Variants in MLLT3 observed in about 807,000 individuals in gnomAD.
The protein encoded by MLLT3 is protein AF-9.
Under a neutral mutation model 53.2 loss-of-function variants are expected in MLLT3, and 4 were observed. The observed-to-expected ratio is 0.08, with a 90% CI of 0.04 to 0.17. The LOEUF (loss-of-function observed/expected upper bound fraction) is 0.17, where lower values mean the gene tolerates loss of function less well. Among genes scored for constraint, MLLT3 ranks in the 10% least tolerant of loss-of-function variants. The pLI is 1.00. For missense variants in MLLT3, 569 were observed against 684.0 expected (o/e 0.83, Z 1.87); for synonymous variants, 283 against 230.6 (o/e 1.23, Z -2.06).
intron 8 of MLLT3, among the ~76,000 whole-genome samples, chr9:20,357,346 C>G (rs1247803021): frequency 1.3e-5 from 2 of 152,134 alleles, no homozygotes; most frequent in Non-Finnish European, 2.9e-5. Flanking sequence ...AAAACCATCT[C>G]TGGTTGAAAT....
intron 2 of MLLT3, among the ~76,000 whole-genome samples, chr9:20,563,167 C>A (rs973699597): frequency 3.3e-5 from 5 of 152,144 alleles, no homozygotes; most frequent in Non-Finnish European, 5.9e-5. Context: ...AAGCTCTGAT[C>A]AACTCCAGAC....
intron 5 of MLLT3, among the ~76,000 whole-genome samples, chr9:20,384,666 C>T (rs1821988188): frequency 6.6e-6 from 1 of 152,044 alleles, no homozygotes; most frequent in East Asian, 1.9e-4. Context: ...AAGATTTCTT[C>T]CCATGTGATG....
At position 20,342,457 on chromosome 9, in the gene MLLT3, AT is replaced by A; in HGVS notation, c.*3985del. 1 of 222,364 alleles carries A rather than the reference AT, an allele frequency of 4.5e-6. No homozygotes were observed. 13.8% of individuals were successfully genotyped at this position (222,364 alleles called of 1,614,324 possible). On this transcript the variant is annotated 3_prime_UTR_variant, in exon 11 of 11. Coordinates refer to ENST00000380338, the MANE Select transcript of MLLT3 (RefSeq NM_004529.4). Reference sequence around the variant, plus strand: ...TCAATAATACATTTTCACTTAATTTATTTTTGCACTGCATGGTAGCTCTGGC... The same window carrying A: ...TCAATAATACATTTTCACTTAATTTATTTTGCACTGCATGGTAGCTCTGGC...
intron 2 of MLLT3, among the ~76,000 whole-genome samples, chr9:20,521,499 T>C (rs760256838): frequency 6.6e-6 from 1 of 151,712 alleles, no homozygotes; most frequent in Non-Finnish European, 1.5e-5. Context: ...TGAGAGAAAA[T>C]GGATGTGAAA....
At chr9:20,619,826 T>C (rs79455049) in intron 2 of MLLT3, among the ~76,000 whole-genome samples, 3 of 152,180 alleles carry the variant, frequency 2.0e-5, no homozygotes, top group South Asian at 2.1e-4. Flanking sequence ...AGAGGCCCAG[T>C]AGGATTATGC....
rs1475271581 is a variant in MLLT3 at position 20,620,994 on chromosome 9, TC to T, written c.13-161del. On this transcript the variant is annotated intron_variant, in intron 1 of 10. Coordinates refer to ENST00000380338, the MANE Select transcript of MLLT3 (RefSeq NM_004529.4). This position sits in a 1 kb window ranked among gnomAD's most constrained non-coding sequence, Gnocchi z 6.1. ...GTTTCACGCGCGTGGGCGCGCACAC[TC>T]CACACCCCCAAATATACCCGCCCGC... 5.6e-6 allele frequency: 5 copies of T among 889,442 alleles called. No individual in the cohort carries two copies. The African/African-American group carries it at 6.6e-5, about 12-fold the overall frequency. 55.1% of individuals were successfully genotyped at this position (889,442 alleles called of 1,614,324 possible).
intron 5 of MLLT3, among the ~76,000 whole-genome samples, chr9:20,394,229 G>C (rs748563112): frequency 2.0e-5 from 3 of 152,122 alleles, no homozygotes; most frequent in Admixed American, 1.3e-4. Flanking sequence ...AGCATTGAGG[G>C]ACAGGTACCT....
intron 2 of MLLT3, among the ~76,000 whole-genome samples, chr9:20,488,218 G>T (rs1048832100): frequency 6.6e-6 from 1 of 151,974 alleles, no homozygotes; most frequent in African/African-American, 2.4e-5. Context: ...GGGGAATAGG[G>T]AATTACTACT....
chr9:20,492,563 C>T (rs893118444), intron 2 of MLLT3, among the ~76,000 whole-genome samples: 3 of 151,852 alleles, frequency 2.0e-5, no homozygotes, highest in African/African-American at 7.2e-5. Flanking sequence ...ACTTCCCACA[C>T]ACATTAATTC....
At chr9:20,564,856 T>A (rs1314546428) in intron 2 of MLLT3, among the ~76,000 whole-genome samples, 1 of 152,136 alleles carries the variant, frequency 6.6e-6, no homozygotes, top group African/African-American at 2.4e-5. Flanking sequence ...CACTTCCCCA[T>A]CACTAATCCC....
intron 2 of MLLT3, among the ~76,000 whole-genome samples, chr9:20,457,685 T>G (rs1169188040): frequency 3.3e-5 from 5 of 152,174 alleles, no homozygotes; most frequent in Non-Finnish European, 5.9e-5. Context: ...ATGTAAACAC[T>G]TAAGATCTAA....
At chr9:20,416,425 C>T (rs932012235) in intron 4 of MLLT3, among the ~76,000 whole-genome samples, 3 of 152,000 alleles carry the variant, frequency 2.0e-5, no homozygotes, top group Non-Finnish European at 4.4e-5. Flanking sequence ...AACACTCCAG[C>T]ACCAGGAAGG....
chr9:20,442,171 A>G, intron 4 of MLLT3, among the ~76,000 whole-genome samples: 1 of 152,228 alleles, frequency 6.6e-6, no homozygotes, highest in African/African-American at 2.4e-5. Context: ...AATGTGAATT[A>G]CAAATGAGAT....
intron 2 of MLLT3, among the ~76,000 whole-genome samples, chr9:20,526,804 G>A (rs1818215271): frequency 6.6e-6 from 1 of 152,106 alleles, no homozygotes; most frequent in South Asian, 2.1e-4. Context: ...CTACATTCCT[G>A]CCAATACTTC....
chr9:20,582,223 T>C (rs946931013), intron 2 of MLLT3, among the ~76,000 whole-genome samples: 7 of 152,188 alleles, frequency 4.6e-5, no homozygotes, highest in African/African-American at 1.7e-4. Flanking sequence ...TAAACCAACA[T>C]TGACACACTA....
chr9:20,421,924 G>A (rs897573891), intron 4 of MLLT3, among the ~76,000 whole-genome samples: 5 of 152,036 alleles, frequency 3.3e-5, no homozygotes, highest in Non-Finnish European at 7.4e-5. Flanking sequence ...CAAGATATGA[G>A]TTCATATTGT....
intron 2 of MLLT3, among the ~76,000 whole-genome samples, chr9:20,493,812 C>A (rs1242862539): frequency 6.6e-6 from 1 of 152,002 alleles, no homozygotes; most frequent in East Asian, 1.9e-4. Context: ...ACATTATTGT[C>A]TTTCTGCAAA....
At chr9:20,433,958 CA>C (rs773196575) in intron 4 of MLLT3, among the ~76,000 whole-genome samples, 208 of 133,510 alleles carry the variant, frequency 1.6e-3, no homozygotes, top group Middle Eastern at 3.6e-3. Context: ...ACTAAAAATA[CA>C]AAAAAAAAAA....
At chr9:20,468,583 G>C (rs901481673) in intron 2 of MLLT3, among the ~76,000 whole-genome samples, 1 of 152,216 alleles carries the variant, frequency 6.6e-6, no homozygotes. Flanking sequence ...ATCTGAGTTT[G>C]AGTCCTGTGA....
Sources: allele counts gnomAD v4.1 joint callset (sites outside exome capture counted in the v4.1 genomes callset), GRCh38; gene constraint gnomAD v4.1.1; non-coding constraint Gnocchi (gnomAD v3.1); transcripts MANE v1.5; gene names NCBI Gene and HGNC (gene_info 2026-07-23, HGNC 2026-07-21).